Variants in TACC2 observed in about 807,000 individuals in gnomAD.
TACC2 encodes the protein transforming acidic coiled-coil-containing protein 2.
In TACC2, 137 loss-of-function variants were observed where a neutral mutation model predicts 227.3. The ratio of observed to expected loss-of-function variants is 0.60; its 90% CI spans 0.52 to 0.69. The LOEUF is 0.69. Among genes scored for constraint, TACC2 ranks in the 30% least tolerant of loss-of-function variants. The pLI, the probability that TACC2 is intolerant of heterozygous loss-of-function variation, is 0.00. For missense variants in TACC2, 3,470 were observed against 3,694.4 expected (o/e 0.94, Z 1.57); for synonymous variants, 1,523 against 1,487.5 (o/e 1.02, Z -0.55).
intron 5 of TACC2, among the ~76,000 whole-genome samples, chr10:122,105,234 A>C (rs1164569931): frequency 1.4e-5 from 2 of 138,518 alleles, no homozygotes; most frequent in African/African-American, 5.2e-5. Context: ...AGGAACCAGT[A>C]TGCTCTGTGT....
At chr10:122,035,054 T>C (rs966942589) in intron 2 of TACC2, among the ~76,000 whole-genome samples, 11 of 152,130 alleles carry the variant, frequency 7.2e-5, no homozygotes, top group Admixed American at 6.5e-4. Context: ...CTGCCATAAG[T>C]CAGTGGCAGG....
chr10:122,081,824 T>A (rs928677296), intron 3 of TACC2, among the ~76,000 whole-genome samples: 1 of 152,130 alleles, frequency 6.6e-6, no homozygotes, highest in Non-Finnish European at 1.5e-5. Flanking sequence ...GATTTTGGGG[T>A]TATGCCTGTC....
intron 16 of TACC2, among the ~76,000 whole-genome samples, chr10:122,234,871 C>G (rs2095827678): frequency 6.6e-6 from 1 of 152,174 alleles, no homozygotes; most frequent in Non-Finnish European, 1.5e-5. Flanking sequence ...CTGCAGGGAG[C>G]CTGCTTATTT....
At chr10:122,078,195 CAAAAAAAAAAAAAAAAA>C (rs1175837364) in intron 3 of TACC2, among the ~76,000 whole-genome samples, 94 of 37,680 alleles carry the variant, frequency 2.5e-3, no homozygotes, top group Admixed American at 0.015. Flanking sequence ...ACTCCATCTC[CAAAAAAAAAAAAAAAAA>C]AAAAAAAAAA....
intron 2 of TACC2, among the ~76,000 whole-genome samples, chr10:122,027,486 A>G (rs1233205803): frequency 6.6e-6 from 1 of 152,002 alleles, no homozygotes; most frequent in Non-Finnish European, 1.5e-5. Flanking sequence ...AACATTTGTT[A>G]GAGTATTCTT....
chr10:122,223,688 C>T (rs117573300), intron 11 of TACC2, among the ~76,000 whole-genome samples: 156 of 152,200 alleles, frequency 1.0e-3, no homozygotes, highest in Non-Finnish European at 1.7e-3. Context: ...ATTTTTTTGA[C>T]GATGCCTTTA....
chr10:122,105,358 A>T (rs2082631668), intron 5 of TACC2, among the ~76,000 whole-genome samples: 1 of 152,126 alleles, frequency 6.6e-6, no homozygotes, highest in Non-Finnish European at 1.5e-5. Context: ...TAAGGGATGA[A>T]ATTGGGCATT....
rs1565270027 is a variant in TACC2 at position 122,087,480 on chromosome 10, G to C, written c.4980G>C (p.Arg1660Ser). The change falls in exon 4 of 23, where the codon AGG (arginine) becomes AGC (serine). Residue 1660 changes from arginine to serine, a missense_variant. Arg to Ser is a moderately radical substitution (Grantham distance 110, BLOSUM62 -1). Transcript: ENST00000369005. The stretch of plus-strand genomic sequence containing the variant: ...CCCTTGACACGCTTGGGGGTGAAAG[G>C]AGACCCGGAGTCACTGCTGGCATCT... ...PWTLDTLGGE[R>S]RPGVTAGILE... is the part of the protein sequence containing the mutation. The C allele has an allele frequency of 6.2e-6, 10 of 1,614,022 alleles. No homozygotes were observed. The highest frequency in any genetic ancestry group is 8.5e-6 in the Non-Finnish European group (10 of 1,180,040).
intron 3 of TACC2, among the ~76,000 whole-genome samples, chr10:122,065,646 C>T (rs910663637): frequency 6.6e-6 from 1 of 152,106 alleles, no homozygotes; most frequent in African/African-American, 2.4e-5. Flanking sequence ...GTGTTGTTCA[C>T]GTCATCTGTA....
At chr10:122,183,374 C>T (rs547900147) in intron 7 of TACC2, among the ~76,000 whole-genome samples, 1 of 152,234 alleles carries the variant, frequency 6.6e-6, no homozygotes, top group South Asian at 2.1e-4. Context: ...GATGGTGTTG[C>T]CCTTTGCCCA....
At chr10:122,124,619 G>A (rs540294816) in intron 5 of TACC2, among the ~76,000 whole-genome samples, 16 of 152,312 alleles carry the variant, frequency 1.1e-4, no homozygotes, top group African/African-American at 3.6e-4. Flanking sequence ...GGCATATCAC[G>A]CTGTGTCCTC....
At chr10:122,061,809 A>G (rs951892551) in intron 3 of TACC2, among the ~76,000 whole-genome samples, 1 of 152,068 alleles carries the variant, frequency 6.6e-6, no homozygotes, top group African/African-American at 2.4e-5. Flanking sequence ...CTCTGGGAGC[A>G]CAGGGGCGGG....
rs1373931909 is a variant in TACC2 at position 122,195,921 on chromosome 10, C to T, written c.5971+745C>T. On this transcript the variant is annotated intron_variant, in intron 8 of 22. Coordinates refer to ENST00000369005, the MANE Select transcript of TACC2 (RefSeq NM_206862.4). ...GTCCTTGGGCCTGGACAGCTCTGGG[C>T]CCCACAACTTACAGGACCCCACTTT... Among the ~76,000 whole-genome samples, 5 of 152,160 alleles carry T rather than the reference C, an allele frequency of 3.3e-5. No homozygotes were observed. In the South Asian group the frequency reaches 1.0e-3, roughly 32 times the overall value.
At chr10:122,001,704 G>T (rs575768004) in intron 1 of TACC2, among the ~76,000 whole-genome samples, 1 of 152,064 alleles carries the variant, frequency 6.6e-6, no homozygotes, top group Non-Finnish European at 1.5e-5. Context: ...TTAAAATCAG[G>T]ATCCAAACGA....
At chr10:122,034,960 G>T (rs1959786822) in intron 2 of TACC2, among the ~76,000 whole-genome samples, 1 of 151,164 alleles carries the variant, frequency 6.6e-6, no homozygotes, top group African/African-American at 2.4e-5. Context: ...TGGAATCAGA[G>T]TTGGAAAGAA....
intron 5 of TACC2, among the ~76,000 whole-genome samples, chr10:122,096,734 G>A (rs544269302): frequency 1.3e-5 from 2 of 152,092 alleles, no homozygotes; most frequent in East Asian, 3.9e-4. Context: ...ACCAGACTGG[G>A]AGGGAGCCCA....
intron 5 of TACC2, among the ~76,000 whole-genome samples, chr10:122,094,488 A>G (rs2081164056): frequency 6.6e-6 from 1 of 152,162 alleles, no homozygotes; most frequent in African/African-American, 2.4e-5. Context: ...TATGTTGTCC[A>G]GGCTGGTCTC....
In TACC2 at chr10:122,209,018, G is replaced by C. The variant is rs1199302037; in HGVS notation, c.5972-1379G>C. On this transcript the variant is annotated intron_variant, in intron 8 of 22. Coordinates refer to ENST00000369005, the MANE Select transcript of TACC2 (RefSeq NM_206862.4). This position sits in a 1 kb window ranked among gnomAD's most constrained non-coding sequence, Gnocchi z 4.5. ...AAGCTGGGGCTGGCCGGATCCCCAT[G>C]GGCAGTAGGGTGGTGGCACCTTTGA... 5.9e-5 allele frequency among the ~76,000 whole-genome samples: 9 copies of C among 152,350 alleles called. No homozygotes were observed. In the East Asian group the frequency reaches 1.5e-3, roughly 26 times the overall value.
At chr10:121,999,962 C>T (rs928720518) in intron 1 of TACC2, among the ~76,000 whole-genome samples, 1 of 152,174 alleles carries the variant, frequency 6.6e-6, no homozygotes, top group Non-Finnish European at 1.5e-5. Flanking sequence ...TGGTCAGACA[C>T]GTGGTCCTAC....
Sources: allele counts gnomAD v4.1 joint callset (sites outside exome capture counted in the v4.1 genomes callset), GRCh38; gene constraint gnomAD v4.1.1; non-coding constraint Gnocchi (gnomAD v3.1); transcripts MANE v1.5; gene names NCBI Gene and HGNC (gene_info 2026-07-23, HGNC 2026-07-21).